PDILT: variants seen among roughly 807,000 people sequenced by gnomAD.
The protein encoded by PDILT is protein disulfide-isomerase-like protein of the testis.
Under a neutral mutation model 53.7 loss-of-function variants are expected in PDILT, and 43 were observed. The observed-to-expected ratio is 0.80, with a 90% CI of 0.63 to 1.03. The LOEUF is 1.03. Among genes scored for constraint, PDILT ranks in the 50% least tolerant of loss-of-function variants. PDILT has a pLI of 0.00. For synonymous variants in PDILT, 282 were observed against 274.2 expected (o/e 1.03, Z -0.28); for missense variants, 727 against 712.3 (o/e 1.02, Z -0.24).
At position 20,365,547 on chromosome 16, in the gene PDILT, A is replaced by C. The variant is rs755208686; in HGVS notation, c.1117-7T>G. ...CTTCACTGGATTGATGTTTCTAGGA[A>C]GCACATTTGAGAGGCCTAAGAGTCT... On this transcript the variant is annotated splice_region_variant and splice_polypyrimidine_tract_variant and intron_variant, in intron 8 of 11. Coordinates refer to ENST00000302451, the MANE Select transcript of PDILT (RefSeq NM_174924.2). The C allele has an allele frequency of 6.2e-7, 1 of 1,614,136 alleles. No homozygotes were observed. Among genetic ancestry groups the C allele is most frequent in the South Asian group, 1.1e-5 (1 of 91,068 alleles).
At chr16:20,376,313 C>T (rs531096340) in intron 3 of PDILT, 112 bp from the exon 4 acceptor site, 108 of 1,334,658 alleles carry the variant, frequency 8.1e-5, no homozygotes, top group African/African-American at 3.4e-4. Flanking sequence ...CAGGCTCCCA[C>T]CCCTTGAAGG....
At chr16:20,364,547 C>T (rs371477080) in intron 9 of PDILT, among the ~76,000 whole-genome samples, 13 of 152,294 alleles carry the variant, frequency 8.5e-5, no homozygotes, top group African/African-American at 3.1e-4. Flanking sequence ...CTCATTAGAG[C>T]AGGTGTGTCA....
chr16:20,393,884 T>C (rs896206970), intron 2 of PDILT, among the ~76,000 whole-genome samples: 1 of 152,238 alleles, frequency 6.6e-6, no homozygotes, highest in Non-Finnish European at 1.5e-5. Flanking sequence ...CCAGGTCTTC[T>C]GATTTTTTGA....
intron 8 of PDILT, among the ~76,000 whole-genome samples, chr16:20,368,012 A>G (rs1966239983): frequency 6.6e-6 from 1 of 152,166 alleles, no homozygotes; most frequent in African/African-American, 2.4e-5. Flanking sequence ...GATGGAATGC[A>G]AGTTCACAGA....
rs113520343 is a variant in PDILT, at chr16:20,395,821, C to T, written c.202+3278G>A. 1.5e-3 allele frequency among the ~76,000 whole-genome samples: 223 copies of T among 152,266 alleles called. 2 individuals carry two copies. Among genetic ancestry groups the T allele is most frequent in the African/African-American group, 5.1e-3 (210 of 41,578 alleles). On this transcript the variant is annotated intron_variant, in intron 2 of 11. Transcript: ENST00000302451. ...GCAGCCGCTGCTCCTCTCTCTTGTTCCCCTCTCACACATGATTGCTGCACA... is the reference window on the plus strand; with the variant it reads ...GCAGCCGCTGCTCCTCTCTCTTGTTTCCCTCTCACACATGATTGCTGCACA...
chr16:20,384,730 C>T lies in PDILT; in HGVS notation c.324G>A (p.Glu108=), dbSNP rs1266549533. ...TGGTAATCCCAAACTCCTGCTGAAG[C>T]TCCTTCTCTATGGTAATGTCCACTT... ...FGKVDITIEK[E]LQQEFGITKA... is the part of the protein sequence containing the mutation. Residue 108 remains glutamate (E), a synonymous_variant, in exon 3 of 12, where the codon GAG becomes GAA. Coordinates refer to ENST00000302451, the MANE Select transcript of PDILT (RefSeq NM_174924.2). 19 of 1,614,098 alleles carry T rather than the reference C, an allele frequency of 1.2e-5. No homozygotes were observed. Among genetic ancestry groups the T allele is most frequent in the Non-Finnish European group, 1.6e-5 (19 of 1,180,046 alleles).
At chr16:20,402,016 G>T (rs1966747976) in intron 1 of PDILT, among the ~76,000 whole-genome samples, 1 of 152,214 alleles carries the variant, frequency 6.6e-6, no homozygotes, top group Non-Finnish European at 1.5e-5. Flanking sequence ...TCAGACTCTG[G>T]CCACCAGGCT....
At chr16:20,396,120 A>G (rs557054705) in intron 2 of PDILT, among the ~76,000 whole-genome samples, 1 of 152,346 alleles carries the variant, frequency 6.6e-6, no homozygotes, top group African/African-American at 2.4e-5. Flanking sequence ...ATGGGAACTC[A>G]TGTTTATTGA....
At chr16:20,379,268 G>T (rs898530688) in intron 3 of PDILT, among the ~76,000 whole-genome samples, 10 of 151,990 alleles carry the variant, frequency 6.6e-5, no homozygotes, top group Non-Finnish European at 1.2e-4. Flanking sequence ...CTGCCTCCCG[G>T]GTTCCAGTGA....
rs1165583372 is a variant in PDILT at position 20,372,884 on chromosome 16, A to G, written c.836T>C (p.Leu279Pro). The G allele has an allele frequency of 6.2e-7, 1 of 1,614,022 alleles. No individual in the cohort carries two copies. The highest frequency in any genetic ancestry group is 1.7e-5 in the Admixed American group (1 of 60,000). The stretch of plus-strand genomic sequence containing the variant: ...CTCGGAGCTTTTGGAGACAAACAGC[A>G]GCATGTGACTCATGATGTGCAACTC... Reference protein sequence around the residue: ...ISELHIMSHMLLFVSKSSESY... With the variant: ...ISELHIMSHMPLFVSKSSESY... The change falls in exon 7 of 12, where the codon CTG becomes CCG. Residue 279 changes from leucine to proline, a missense_variant. Coordinates refer to ENST00000302451, the MANE Select transcript of PDILT (RefSeq NM_174924.2).
At chr16:20,379,037 A>G (rs545290311) in intron 3 of PDILT, among the ~76,000 whole-genome samples, 132 of 150,480 alleles carry the variant, frequency 8.8e-4, no homozygotes, top group African/African-American at 3.2e-3. Context: ...TTTTTGAGAC[A>G]GTTTATCCTT....
At chr16:20,385,701 C>A (rs1966525351) in intron 2 of PDILT, among the ~76,000 whole-genome samples, 1 of 152,054 alleles carries the variant, frequency 6.6e-6, no homozygotes, top group East Asian at 1.9e-4. Flanking sequence ...ACAATTCATC[C>A]CTGTAACCAA....
intron 2 of PDILT, among the ~76,000 whole-genome samples, chr16:20,386,538 T>C (rs1966541153): frequency 6.6e-6 from 1 of 152,206 alleles, no homozygotes; most frequent in Non-Finnish European, 1.5e-5. Flanking sequence ...CCGGGACAGC[T>C]GGCGAGGGCC....
chr16:20,370,345 C>A (rs181042397), intron 7 of PDILT, among the ~76,000 whole-genome samples: 1 of 152,216 alleles, frequency 6.6e-6, no homozygotes, highest in African/African-American at 2.4e-5. Context: ...GCCAGTTAGA[C>A]AATAAAACAG....
At position 20,404,696 on chromosome 16, in the gene PDILT, C is replaced by T. The variant is rs893927901; in HGVS notation, c.-208G>A. On this transcript the variant is annotated 5_prime_UTR_variant, in exon 1 of 12. Coordinates refer to ENST00000302451, the MANE Select transcript of PDILT (RefSeq NM_174924.2). ...CCACAGGCAGAAATGAAGTCCCTTC[C>T]TGGGCACACAGAGGCCACAGCAGCC... The T allele has an allele frequency of 1.2e-4, 18 of 152,606 alleles. No individual in the cohort carries two copies. Among genetic ancestry groups the T allele is most frequent in the African/African-American group, 4.3e-4 (18 of 41,594 alleles). The allele number at this position is 152,606 out of a possible 1,614,324, so 9.5% of individuals were successfully genotyped here. A position where few individuals can be genotyped will look rare whatever the true frequency, so the allele number is the denominator to read the frequency against.
At chr16:20,381,470 A>G (rs1316650651) in intron 3 of PDILT, among the ~76,000 whole-genome samples, 1 of 151,950 alleles carries the variant, frequency 6.6e-6, no homozygotes, top group Non-Finnish European at 1.5e-5. Flanking sequence ...CCCCATCTCT[A>G]CTAAAAATAC....
At chr16:20,364,771 A>G (rs528441540) in intron 9 of PDILT, among the ~76,000 whole-genome samples, 1 of 152,350 alleles carries the variant, frequency 6.6e-6, no homozygotes, top group East Asian at 1.9e-4. Context: ...GAATAACAAC[A>G]GCAGTAGCAA....
chr16:20,396,348 G>A (rs186204666), intron 2 of PDILT, among the ~76,000 whole-genome samples: 1 of 152,344 alleles, frequency 6.6e-6, no homozygotes, highest in East Asian at 1.9e-4. Flanking sequence ...CAAGATGCAT[G>A]AATGATTCAG....
intron 3 of PDILT, among the ~76,000 whole-genome samples, chr16:20,381,634 CA>C (rs1034720000): frequency 0.024 from 1,380 of 58,592 alleles, 10 homozygotes; most frequent in South Asian, 0.11. Context: ...GACTCCATCT[CA>C]AAAAAAAAAA....
Sources: gnomAD v4.1 joint callset for allele counts (sites outside exome capture counted in the v4.1 genomes callset) on GRCh38, gnomAD v4.1.1 for gene constraint, MANE v1.5 for transcripts, NCBI Gene and HGNC (gene_info 2026-07-23, HGNC 2026-07-21) for gene names.